Variants in CELF2 observed in about 807,000 individuals in gnomAD.
CELF2 encodes CUG triplet repeat RNA-binding protein 2.
CELF2 carries 8 observed loss-of-function variants against 62.6 expected under a neutral mutation model. That is an observed-to-expected ratio of 0.13 (90% CI 0.07 to 0.23). The LOEUF (loss-of-function observed/expected upper bound fraction) is 0.23. Ranked by LOEUF, CELF2 falls within the 10% of genes least tolerant of loss-of-function variation. The probability of loss-of-function intolerance (pLI) is 1.00; values close to 1 mark genes in which losing one functional copy is unlikely to be tolerated. For synonymous variants in CELF2, 258 were observed against 250.0 expected (o/e 1.03, Z -0.30); for missense variants, 333 against 671.0 (o/e 0.50, Z 5.56).
rs1054116017 is a variant in CELF2, at chr10:11,217,750, C to T, written c.354+243C>T. On this transcript the variant is annotated intron_variant, in intron 3 of 12. Transcript: ENST00000633077. The surrounding 1 kb of genome is among the most constrained non-coding windows in gnomAD (Gnocchi z 5.6). ...TCCCCTGGTTAGAAAATCAGAGTGA[C>T]CCCACTGGGCAGCCACGGCTGCCAA... 3.3e-5 allele frequency among the ~76,000 whole-genome samples: 5 copies of T among 152,138 alleles called. No individual in the cohort carries two copies. The highest frequency in any genetic ancestry group is 4.8e-5 in the African/African-American group (2 of 41,434).
intron 1 of CELF2, among the ~76,000 whole-genome samples, chr10:10,894,735 G>A (rs934898511): frequency 3.9e-5 from 6 of 152,130 alleles, no homozygotes; most frequent in Non-Finnish European, 8.8e-5. Flanking sequence ...ATTTATAAAT[G>A]GTGCTAATCC....
the CELF2 span, among the ~76,000 whole-genome samples, chr10:10,690,346 T>C: frequency 1.3e-5 from 2 of 152,238 alleles, no homozygotes; most frequent in Non-Finnish European, 2.9e-5. Flanking sequence ...TCAAACATGT[T>C]TCCCAGTCTA....
chr10:10,623,140 A>G, the CELF2 span, among the ~76,000 whole-genome samples: 2 of 147,756 alleles, frequency 1.4e-5, no homozygotes, highest in African/African-American at 2.5e-5. Context: ...AAATGCTGTC[A>G]GTCACACAGG....
the CELF2 span, among the ~76,000 whole-genome samples, chr10:10,584,263 T>C: frequency 0.38 from 57,623 of 152,092 alleles, 12,316 homozygotes; most frequent in East Asian, 0.6. Context: ...CCCAGAATCA[T>C]AGCAGATTCA....
intron 1 of CELF2, among the ~76,000 whole-genome samples, chr10:10,810,249 G>A (rs1374724588): frequency 1.3e-5 from 2 of 152,160 alleles, no homozygotes; most frequent in African/African-American, 4.8e-5. Flanking sequence ...GGAAGAGTTA[G>A]TTCTCATCTT....
At position 11,145,037 on chromosome 10, in the gene CELF2, A is replaced by G. The variant is rs1393178058; in HGVS notation, c.75-20449A>G. Among the ~76,000 whole-genome samples, 2 of 152,164 alleles carry G rather than the reference A, an allele frequency of 1.3e-5. No homozygotes were observed. Among genetic ancestry groups the G allele is most frequent in the South Asian group, 2.1e-4 (1 of 4,834 alleles). ...CAAGGCAGCTTAATAGAATTTGAAT[A>G]TAACTAAATCCATCCACTTAGCATA... On this transcript the variant is annotated intron_variant, in intron 1 of 12. Coordinates refer to ENST00000633077, the MANE Select transcript of CELF2 (RefSeq NM_001326342.2). The surrounding 1 kb of genome is among the most constrained non-coding windows in gnomAD (Gnocchi z 4.3).
chr10:11,091,794 T>C (rs2048387879), intron 1 of CELF2, among the ~76,000 whole-genome samples: 1 of 152,162 alleles, frequency 6.6e-6, no homozygotes. Context: ...CTTACCACTG[T>C]CAAAATCTTC....
chr10:10,691,278 T>G, the CELF2 span, among the ~76,000 whole-genome samples: 1 of 151,458 alleles, frequency 6.6e-6, no homozygotes, highest in Non-Finnish European at 1.5e-5. Flanking sequence ...GTTCTTGCGA[T>G]AGTTTACTGA....
chr10:10,891,178 T>A (rs2062112389), intron 1 of CELF2, among the ~76,000 whole-genome samples: 1 of 152,168 alleles, frequency 6.6e-6, no homozygotes, highest in African/African-American at 2.4e-5. Flanking sequence ...ATTATCTGTT[T>A]AGGATTATTT....
intron 9 of CELF2, among the ~76,000 whole-genome samples, chr10:11,295,760 A>G (rs1056541934): frequency 1.3e-5 from 2 of 152,184 alleles, no homozygotes; most frequent in Non-Finnish European, 2.9e-5. Flanking sequence ...CAGTAGTTGG[A>G]AACAGTGTGT....
the CELF2 span, among the ~76,000 whole-genome samples, chr10:10,765,615 T>C: frequency 0.32 from 48,343 of 152,006 alleles, 8,363 homozygotes; most frequent in East Asian, 0.51. Context: ...TGGCCAGCCT[T>C]AGTCTCTGAG....
At position 11,300,637 on chromosome 10, in the gene CELF2, G is replaced by T. The variant is rs2093628194; in HGVS notation, c.976+12085G>T. 6.6e-6 allele frequency among the ~76,000 whole-genome samples: 1 copy of T among 152,126 alleles called. No individual in the cohort carries two copies. Among genetic ancestry groups the T allele is most frequent in the Admixed American group, 6.5e-5 (1 of 15,280 alleles). On this transcript the variant is annotated intron_variant, in intron 9 of 12. Transcript: ENST00000633077. The surrounding 1 kb of genome is among the most constrained non-coding windows in gnomAD (Gnocchi z 5.5). Reference sequence around the variant, plus strand: ...ATAATTAGGCCTCACGGGGGGAGAGGCGTAGTATATTAATGCCCCAGGGTT... The same window carrying T: ...ATAATTAGGCCTCACGGGGGGAGAGTCGTAGTATATTAATGCCCCAGGGTT...
intron 1 of CELF2, among the ~76,000 whole-genome samples, chr10:10,859,644 A>G (rs2059943234): frequency 6.6e-6 from 1 of 152,110 alleles, no homozygotes; most frequent in African/African-American, 2.4e-5. Context: ...TAGTAGCTGG[A>G]GTTTTGATTC....
intron 1 of CELF2, among the ~76,000 whole-genome samples, chr10:11,025,420 G>A (rs1285730936): frequency 1.3e-5 from 2 of 152,044 alleles, no homozygotes; most frequent in Non-Finnish European, 2.9e-5. Context: ...TCGTGGTAGC[G>A]AGTTCTCACG....
the CELF2 span, among the ~76,000 whole-genome samples, chr10:10,597,760 T>G: frequency 1.3e-5 from 2 of 152,220 alleles, no homozygotes; most frequent in Non-Finnish European, 2.9e-5. Context: ...CTGCCACTGC[T>G]CAAGGTTTTG....
At chr10:10,769,670 A>G in the CELF2 span, among the ~76,000 whole-genome samples, 9 of 152,142 alleles carry the variant, frequency 5.9e-5, no homozygotes, top group Non-Finnish European at 1.2e-4. Context: ...GGACTGAGGC[A>G]GGAGAATCAC....
chr10:11,108,842 T>C (rs1390771878), intron 1 of CELF2, among the ~76,000 whole-genome samples: 1 of 152,352 alleles, frequency 6.6e-6, no homozygotes, highest in East Asian at 1.9e-4. Context: ...CCATTTCCCT[T>C]CTCTCAATTA....
intron 2 of CELF2, among the ~76,000 whole-genome samples, chr10:10,999,930 G>T (rs1592909551): frequency 6.6e-6 from 1 of 152,304 alleles, no homozygotes; most frequent in Non-Finnish European, 1.5e-5. Context: ...AGGAAGAAAG[G>T]GAGTTGCTTG....
chr10:10,862,625 C>T (rs547477893), intron 1 of CELF2, among the ~76,000 whole-genome samples: 7 of 152,338 alleles, frequency 4.6e-5, no homozygotes, highest in Admixed American at 2.6e-4. Flanking sequence ...TGTGTCATTA[C>T]GGTCAGCTCA....
Sources: allele counts gnomAD v4.1 joint callset (sites outside exome capture counted in the v4.1 genomes callset), GRCh38; gene constraint gnomAD v4.1.1; non-coding constraint Gnocchi (gnomAD v3.1); transcripts MANE v1.5; gene names NCBI Gene and HGNC (gene_info 2026-07-23, HGNC 2026-07-21).